Variants in HPGDS observed in about 807,000 individuals in gnomAD.
HPGDS encodes the protein GST class-sigma.
Under a neutral mutation model 23.1 loss-of-function variants are expected in HPGDS, and 26 were observed. The observed-to-expected ratio is 1.13, with a 90% CI of 0.83 to 1.56. The LOEUF is 1.56. Among genes scored for constraint, HPGDS ranks in the 40% most tolerant of loss-of-function variants. The pLI, the probability that HPGDS is intolerant of heterozygous loss-of-function variation, is 0.00. For synonymous variants in HPGDS, 95 were observed against 77.9 expected, an observed-to-expected ratio of 1.22 and a Z score of -1.16; for missense variants, 268 against 236.4, an observed-to-expected ratio of 1.13 and a Z score of -0.88.
At chr4:94,334,417 AT>A (rs558699777) in intron 2 of HPGDS, 79 bp downstream of exon 2, 160 of 1,318,848 alleles carry the variant, frequency 1.2e-4, no homozygotes, top group South Asian at 2.3e-4. Flanking sequence ...GAAAACCTTG[AT>A]TTTTTTTTCA....
intron 2 of HPGDS, among the ~76,000 whole-genome samples, chr4:94,325,636 G>C (rs1187732544): frequency 6.6e-6 from 1 of 152,158 alleles, no homozygotes; most frequent in Non-Finnish European, 1.5e-5. Context: ...AAGACCATTG[G>C]AAAAATGCAG....
chr4:94,340,100 C>T (rs62320444), intron 1 of HPGDS, among the ~76,000 whole-genome samples: 54,876 of 151,248 alleles, frequency 0.36, 10,777 homozygotes, highest in Non-Finnish European at 0.44. Flanking sequence ...TATAGGTGTG[C>T]GCCACCACAT....
intron 3 of HPGDS, among the ~76,000 whole-genome samples, chr4:94,316,132 A>G (rs1756393513): frequency 6.6e-6 from 1 of 152,192 alleles, no homozygotes; most frequent in African/African-American, 2.4e-5. Flanking sequence ...AATTCCTTGC[A>G]TGCATGGCAC....
At chr4:94,308,819 T>A (rs1756194929) in intron 3 of HPGDS, 76 bp from the exon 4 acceptor site, 4 of 705,426 alleles carry the variant, frequency 5.7e-6, no homozygotes, top group Non-Finnish European at 9.8e-6. Context: ...GATAGTATAC[T>A]CATATGGTTG....
In HPGDS at chr4:94,340,311, C is replaced by CTTTCTTTTTCTTTTCTTTTTTTT; in HGVS notation, c.-10+2483_-10+2484insAAAAAAAAGAAAAGAAAAAGAAA. Among the ~76,000 whole-genome samples, 7 of 23,686 alleles carry CTTTCTTTTTCTTTTCTTTTTTTT rather than the reference C, an allele frequency of 3.0e-4. 2 individuals carry two copies. In the East Asian group the frequency reaches 4.1e-3, roughly 14 times the overall value. 15.5% of individuals were successfully genotyped at this position (23,686 alleles called of 152,430 possible). A position where few individuals can be genotyped will look rare whatever the true frequency, so the allele number is the denominator to read the frequency against. ...TTTCTTTCTTTCTTTCTTTCTTTCTCTTTTTTTTTTTTTTTTTTTTTTTTT... is the reference window on the plus strand; with the variant it reads ...TTTCTTTCTTTCTTTCTTTCTTTCTCTTTCTTTTTCTTTTCTTTTTTTTTTTTTTTTTTTTTTTTTTTTTTTTT... On this transcript the variant is annotated intron_variant, in intron 1 of 5. Coordinates refer to ENST00000295256, the MANE Select transcript of HPGDS (RefSeq NM_014485.3).
In HPGDS at chr4:94,317,946, G is replaced by C; in HGVS notation, c.153C>G (p.Ile51Met). 6.2e-7 allele frequency: 1 copy of C among 1,609,820 alleles called. No homozygotes were observed. Among genetic ancestry groups the C allele is most frequent in the Non-Finnish European group, 8.5e-7 (1 of 1,177,356 alleles). Residue 51 changes from isoleucine (I) to methionine (M), a missense_variant, in exon 3 of 6, where the codon ATC (isoleucine) becomes ATG (methionine). Transcript: ENST00000295256. ...EIKSTLPFGK[I>M]PILEVDGLTL... The stretch of plus-strand genomic sequence containing the variant: ...TAAGTCCATCAACTTCCAAAATGGG[G>C]ATTTTTCCAAATGGGAGAGCTTAAA...
At chr4:94,309,111 C>A (rs1756203815) in intron 3 of HPGDS, among the ~76,000 whole-genome samples, 1 of 126,760 alleles carries the variant, frequency 7.9e-6, no homozygotes, top group Middle Eastern at 5.2e-3. Context: ...AGATGCGCCA[C>A]AATTTATTTT....
intron 2 of HPGDS, among the ~76,000 whole-genome samples, chr4:94,321,448 G>T (rs1369146368): frequency 1.3e-5 from 2 of 152,090 alleles, no homozygotes; most frequent in Non-Finnish European, 2.9e-5. Context: ...TTGAGCAGTG[G>T]TTTGTAGTTC....
rs1755984224 is a variant in HPGDS at position 94,299,301 on chromosome 4, A to G, written c.*179T>C. On this transcript the variant is annotated 3_prime_UTR_variant, in exon 6 of 6. Transcript: ENST00000295256. ...GATGAGAAGCTATTCTGAAAGAAAA[A>G]GATACTGAAGAAAGATTTGTTTTTA... 1.3e-5 allele frequency: 7 copies of G among 545,220 alleles called. No homozygotes were observed. Among genetic ancestry groups the G allele is most frequent in the Non-Finnish European group, 2.2e-5 (7 of 318,326 alleles). The allele number at this position is 545,220 out of a possible 1,614,324, so 33.8% of individuals were successfully genotyped here. A position where few individuals can be genotyped will look rare whatever the true frequency, so the allele number is the denominator to read the frequency against.
intron 1 of HPGDS, among the ~76,000 whole-genome samples, chr4:94,340,409 A>C (rs1253206869): frequency 2.7e-5 from 3 of 112,720 alleles, no homozygotes; most frequent in Non-Finnish European, 5.2e-5. Context: ...CGTGATCTCC[A>C]CTCACTGCAA....
chr4:94,331,001 CA>C (rs1415235161), intron 2 of HPGDS, among the ~76,000 whole-genome samples: 1 of 152,148 alleles, frequency 6.6e-6, no homozygotes, highest in Non-Finnish European at 1.5e-5. Flanking sequence ...AAGTGACACA[CA>C]AAAATCAGAA....
intron 4 of HPGDS, among the ~76,000 whole-genome samples, chr4:94,304,204 C>T (rs1756098870): frequency 6.6e-6 from 1 of 152,002 alleles, no homozygotes; most frequent in South Asian, 2.1e-4. Context: ...GTATATTTCT[C>T]AAAAGCATTT....
intron 4 of HPGDS, among the ~76,000 whole-genome samples, chr4:94,304,522 A>T (rs555767437): frequency 2.1e-4 from 32 of 152,254 alleles, no homozygotes; most frequent in African/African-American, 6.7e-4. Flanking sequence ...TATCCATCTT[A>T]AGTGCATCAA....
chr4:94,338,913 A>G (rs780391207), intron 1 of HPGDS, among the ~76,000 whole-genome samples: 1 of 152,344 alleles, frequency 6.6e-6, no homozygotes, highest in East Asian at 1.9e-4. Flanking sequence ...AATAGCCAAG[A>G]CAAAGAAAAA....
intron 2 of HPGDS, among the ~76,000 whole-genome samples, chr4:94,326,283 T>C (rs1756630588): frequency 6.6e-6 from 1 of 152,212 alleles, no homozygotes; most frequent in Non-Finnish European, 1.5e-5. Context: ...ATTTTGTTAA[T>C]TGGTTTTCTA....
At chr4:94,308,827 T>A (rs1380011347) in intron 3 of HPGDS, 84 bp from the exon 4 acceptor site, 1 of 665,066 alleles carries the variant, frequency 1.5e-6, no homozygotes, top group Non-Finnish European at 2.6e-6. Context: ...ACTCATATGG[T>A]TGAAAATTCA....
At chr4:94,311,211 T>C (rs1756263015) in intron 3 of HPGDS, among the ~76,000 whole-genome samples, 1 of 152,156 alleles carries the variant, frequency 6.6e-6, no homozygotes, top group East Asian at 1.9e-4. Context: ...CCCTGTCTTG[T>C]GCCAGTTTTC....
chr4:94,322,499 A>G lies in HPGDS; in HGVS notation c.134-4534T>C, dbSNP rs910574680. Among the ~76,000 whole-genome samples the G allele has an allele frequency of 2.0e-5, 3 of 152,142 alleles. No homozygotes were observed. In the East Asian group the frequency reaches 5.8e-4, roughly 29 times the overall value. ...TCCTGGTTTATTTTGGGGAAGGTGT[A>G]TGTGTCCAGCAATTTATCCAGTTCT... On this transcript the variant is annotated intron_variant, in intron 2 of 5. Coordinates refer to ENST00000295256, the MANE Select transcript of HPGDS (RefSeq NM_014485.3).
chr4:94,308,958 C>T (rs1235794359), intron 3 of HPGDS, among the ~76,000 whole-genome samples: 1 of 146,414 alleles, frequency 6.8e-6, no homozygotes, highest in Non-Finnish European at 1.5e-5. Flanking sequence ...TATGAAAATA[C>T]AAGCAAATAA....
Sources: gnomAD v4.1 joint callset for allele counts (sites outside exome capture counted in the v4.1 genomes callset) on GRCh38, gnomAD v4.1.1 for gene constraint, MANE v1.5 for transcripts, NCBI Gene and HGNC (gene_info 2026-07-23, HGNC 2026-07-21) for gene names.